The following EPB41L1 variants were observed in gnomAD, a reference collection of about 807,000 sequenced individuals.
EPB41L1 encodes erythrocyte membrane protein band 4.1 like 1.
Under a neutral mutation model 97.8 loss-of-function variants are expected in EPB41L1, and 29 were observed. That is an observed-to-expected ratio of 0.30 (90% CI 0.22 to 0.40). EPB41L1 has a LOEUF of 0.40. EPB41L1 is among the 10% of genes least tolerant of loss of function. EPB41L1 has a pLI of 1.00. For synonymous variants in EPB41L1, 383 were observed against 459.2 expected, an observed-to-expected ratio of 0.83 and a Z score of 2.12; for missense variants, 812 against 1,162.3, an observed-to-expected ratio of 0.70 and a Z score of 4.38.
chr20:36,184,193 C>T (rs761016704), intron 6 of EPB41L1, among the ~76,000 whole-genome samples: 6 of 151,942 alleles, frequency 3.9e-5, no homozygotes, highest in Non-Finnish European at 8.8e-5. Flanking sequence ...TGAGATCGTG[C>T]CACTGCACTC....
intron 14 of EPB41L1, chr20:36,208,369 G>C (rs2146771407): frequency 2.2e-6 from 1 of 448,844 alleles, no homozygotes; most frequent in South Asian, 1.6e-5. Context: ...CCCCTGGGAA[G>C]GGGGGGCGCC....
At chr20:36,171,551 C>T (rs575036085) in intron 1 of EPB41L1, among the ~76,000 whole-genome samples, 229 of 152,210 alleles carry the variant, frequency 1.5e-3, no homozygotes, top group African/African-American at 5.1e-3. Context: ...CAAGCCTCCA[C>T]GCAAAAAGCC....
intron 14 of EPB41L1, among the ~76,000 whole-genome samples, chr20:36,201,307 G>A (rs141830730): frequency 1.3e-5 from 2 of 152,326 alleles, no homozygotes; most frequent in East Asian, 3.9e-4. Flanking sequence ...GGTGAGGCAG[G>A]TGACTCTAGA....
Position 36,232,283 on chromosome 20 carries a change from G to A in EPB41L1, c.*2943G>A. ...GCCACCTCTCCACCCAGGAGGCCAT[G>A]TAGCATAGTGGAAAAAGTCCCTGAG... On this transcript the variant is annotated 3_prime_UTR_variant, in exon 22 of 22. Coordinates refer to ENST00000338074, the MANE Select transcript of EPB41L1 (RefSeq NM_012156.2). 3.8e-6 allele frequency: 1 copy of A among 261,524 alleles called. No homozygotes were observed. 16.2% of individuals were successfully genotyped at this position (261,524 alleles called of 1,614,324 possible). A position where few individuals can be genotyped will look rare whatever the true frequency, so the allele number is the denominator to read the frequency against.
At chr20:36,143,845 CT>C (rs11434146) in intron 2 of EPB41L1, among the ~76,000 whole-genome samples, 2 of 150,804 alleles carry the variant, frequency 1.3e-5, no homozygotes, top group African/African-American at 2.4e-5. Flanking sequence ...TTTTCTTTTT[CT>C]TTTTTTTTCT....
At position 36,179,945 on chromosome 20, in the gene EPB41L1, T is replaced by C. The variant is rs1292294088; in HGVS notation, c.490+1273T>C. ...GCCTGGCTGGGAGGCCTGTCTCTCATGACTAAAGGGATCGGAAAACATATA... is the reference window on the plus strand; with the variant it reads ...GCCTGGCTGGGAGGCCTGTCTCTCACGACTAAAGGGATCGGAAAACATATA... On this transcript the variant is annotated intron_variant, in intron 5 of 21. Transcript: ENST00000338074. Among the ~76,000 whole-genome samples the C allele has an allele frequency of 3.3e-5, 5 of 152,170 alleles. No homozygotes were observed. In the East Asian group the frequency reaches 9.6e-4, roughly 29 times the overall value.
intron 2 of EPB41L1, among the ~76,000 whole-genome samples, chr20:36,144,595 G>C (rs909316730): frequency 6.6e-6 from 1 of 152,230 alleles, no homozygotes; most frequent in Admixed American, 6.5e-5. Flanking sequence ...TACAGGAAGT[G>C]CCTCTGCCTT....
chr20:36,117,128 C>A (rs1188976699), intron 2 of EPB41L1, among the ~76,000 whole-genome samples: 1 of 152,160 alleles, frequency 6.6e-6, no homozygotes, highest in African/African-American at 2.4e-5. Flanking sequence ...CTCTTGCCCA[C>A]CAATTCCTCC....
intron 2 of EPB41L1, among the ~76,000 whole-genome samples, chr20:36,134,859 T>C (rs2059358883): frequency 7.0e-6 from 1 of 142,048 alleles, no homozygotes; most frequent in Non-Finnish European, 1.5e-5. Context: ...TGTCTTTTTT[T>C]TTTTTTTTTT....
At chr20:36,151,306 T>C (rs1294597011), upstream of EPB41L1, 3 of 152,296 alleles carry the variant, frequency 2.0e-5, no homozygotes, top group Non-Finnish European at 4.4e-5. Context: ...TGAAGGGTCC[T>C]GTCCCTTCTC....
intron 1 of EPB41L1, among the ~76,000 whole-genome samples, chr20:36,167,637 G>A (rs773112581): frequency 6.6e-6 from 1 of 151,966 alleles, no homozygotes; most frequent in Non-Finnish European, 1.5e-5. Flanking sequence ...GAATCCAGGA[G>A]GTGGAGGTTA....
chr20:36,122,292 A>C (rs990579331), intron 2 of EPB41L1, among the ~76,000 whole-genome samples: 1 of 152,218 alleles, frequency 6.6e-6, no homozygotes, highest in African/African-American at 2.4e-5. Flanking sequence ...GGGGCGATGC[A>C]GAGGGCCGGC....
chr20:36,205,696 G>T lies in EPB41L1; in HGVS notation c.1669-3792G>T, dbSNP rs149575508. The stretch of plus-strand genomic sequence containing the variant: ...TTGATGAGAATGGCTGGCACGTCAT[G>T]CCTTCCTCTCCCCAGCCAGTTCTGG... On this transcript the variant is annotated intron_variant, in intron 14 of 21. Coordinates refer to ENST00000338074, the MANE Select transcript of EPB41L1 (RefSeq NM_012156.2). 8.5e-5 allele frequency among the ~76,000 whole-genome samples: 13 copies of T among 152,296 alleles called. No homozygotes were observed. In the East Asian group the frequency reaches 2.5e-3, roughly 29 times the overall value.
At chr20:36,185,371 T>G (rs2061641204) in intron 7 of EPB41L1, 36 bp downstream of exon 7, 1 of 1,584,048 alleles carries the variant, frequency 6.3e-7, no homozygotes, top group African/African-American at 1.3e-5. Context: ...CTGTGGCTCC[T>G]TGGCCAGTGG....
chr20:36,134,163 A>G (rs1393539597), intron 2 of EPB41L1, among the ~76,000 whole-genome samples: 5 of 152,170 alleles, frequency 3.3e-5, no homozygotes, highest in Non-Finnish European at 2.9e-5. Context: ...TCTGTCTCCA[A>G]AGTTCTTGCC....
At chr20:36,126,750 TG>T (rs1225454911) in intron 2 of EPB41L1, among the ~76,000 whole-genome samples, 16 of 152,232 alleles carry the variant, frequency 1.1e-4, no homozygotes, top group African/African-American at 3.9e-4. Flanking sequence ...AGCTCCTGCG[TG>T]CTCCCTCTCT....
Position 36,218,941 on chromosome 20 carries a change from G to A in EPB41L1, c.2334G>A (p.Thr778=), listed in dbSNP as rs748650308. ...TCCCAGGCCCACAGACGGTGGCCAC[G>A]GAAATCCGTTCTCTTTCTCCGGTAA... The part of the protein sequence containing the change: ...AMIPGPQTVA[T]EIRSLSPIIG... The change falls in exon 18 of 22, where the codon ACG becomes ACA. Residue 778 remains threonine (T), a synonymous_variant. Coordinates refer to ENST00000338074, the MANE Select transcript of EPB41L1 (RefSeq NM_012156.2). 35 of 1,614,094 alleles carry A rather than the reference G, an allele frequency of 2.2e-5. No individual in the cohort carries two copies. The highest frequency in any genetic ancestry group is 2.9e-5 in the Non-Finnish European group (34 of 1,180,042).
intron 7 of EPB41L1, among the ~76,000 whole-genome samples, chr20:36,185,643 C>CT (rs2061653739): frequency 6.6e-6 from 1 of 152,220 alleles, no homozygotes; most frequent in Non-Finnish European, 1.5e-5. Context: ...TACTGTGTCT[C>CT]TGAGTAAGTG....
At chr20:36,160,589 C>CA (rs1245114940) in intron 1 of EPB41L1, among the ~76,000 whole-genome samples, 83 of 113,244 alleles carry the variant, frequency 7.3e-4, no homozygotes, top group East Asian at 1.2e-3. Context: ...GACTCCGTCA[C>CA]AAAAAAAAAA....
Sources: gnomAD v4.1 joint callset for allele counts (sites outside exome capture counted in the v4.1 genomes callset) on GRCh38, gnomAD v4.1.1 for gene constraint, MANE v1.5 for transcripts, NCBI Gene and HGNC (gene_info 2026-07-23, HGNC 2026-07-21) for gene names.